TAOK1: variants seen among roughly 807,000 people sequenced by gnomAD.
TAOK1 encodes the protein TAO kinase 1.
In TAOK1, 21 loss-of-function variants were observed where a neutral mutation model predicts 138.3. That is an observed-to-expected ratio of 0.15 (90% CI 0.11 to 0.22). TAOK1 has a LOEUF of 0.22. Among genes scored for constraint, TAOK1 ranks in the 10% least tolerant of loss-of-function variants. The pLI, the probability that TAOK1 is intolerant of heterozygous loss-of-function variation, is 1.00. For synonymous variants in TAOK1, 361 were observed against 398.4 expected, an observed-to-expected ratio of 0.91 and a Z score of 1.12; for missense variants, 651 against 1,227.7, an observed-to-expected ratio of 0.53 and a Z score of 7.02.
At chr17:29,509,580 G>C (rs77693735) in intron 14 of TAOK1, among the ~76,000 whole-genome samples, 5 of 151,820 alleles carry the variant, frequency 3.3e-5, no homozygotes, top group African/African-American at 1.2e-4. Context: ...TATGCAATGT[G>C]GTAACAAATT....
chr17:29,496,681 G>A (rs931182708), intron 11 of TAOK1, among the ~76,000 whole-genome samples: 4 of 145,124 alleles, frequency 2.8e-5, no homozygotes, highest in Admixed American at 7.1e-5. Context: ...TCCACCTCCC[G>A]GGTTCAAGCA....
At chr17:29,465,696 A>C (rs2030645467) in intron 2 of TAOK1, among the ~76,000 whole-genome samples, 2 of 152,090 alleles carry the variant, frequency 1.3e-5, no homozygotes, top group South Asian at 4.1e-4. Flanking sequence ...AGATGGTTTG[A>C]GATGGTTTCT....
chr17:29,543,585 T>C lies in TAOK1; in HGVS notation c.*563T>C, dbSNP rs1174100754. ...AATTGATCTGACTTCTCAGCCTCATTTGGACTAAAAAAAGAAAGCAGAAAT... is the reference window on the plus strand; with the variant it reads ...AATTGATCTGACTTCTCAGCCTCATCTGGACTAAAAAAAGAAAGCAGAAAT... On this transcript the variant is annotated 3_prime_UTR_variant, in exon 20 of 20. Coordinates refer to ENST00000261716, the MANE Select transcript of TAOK1 (RefSeq NM_020791.4). 6.6e-6 allele frequency: 1 copy of C among 152,624 alleles called. No homozygotes were observed. Among genetic ancestry groups the C allele is most frequent in the East Asian group, 1.9e-4 (1 of 5,206 alleles). 9.5% of individuals were successfully genotyped at this position (152,624 alleles called of 1,614,324 possible).
intron 19 of TAOK1, among the ~76,000 whole-genome samples, chr17:29,538,007 G>A (rs895590024): frequency 4.0e-5 from 6 of 151,654 alleles, no homozygotes; most frequent in African/African-American, 1.5e-4. Flanking sequence ...AGCTACTTGG[G>A]AGGCTGAGGC....
intron 18 of TAOK1, among the ~76,000 whole-genome samples, chr17:29,531,139 T>G (rs1000390593): frequency 6.1e-4 from 92 of 150,992 alleles, no homozygotes; most frequent in Non-Finnish European, 1.1e-3. Flanking sequence ...TTTTTTTTTT[T>G]TGTATTTTTA....
Position 29,549,955 on chromosome 17 carries a change from T to A in TAOK1, c.*6933T>A, listed in dbSNP as rs774429445. The A allele has an allele frequency of 6.6e-6, 1 of 151,662 alleles. No individual in the cohort carries two copies. The highest frequency in any genetic ancestry group is 1.5e-5 in the Non-Finnish European group (1 of 67,936). 9.4% of individuals were successfully genotyped at this position (151,662 alleles called of 1,614,324 possible). ...CCAATTAATTACATGTGTCCAAGAA[T>A]AATCCAAGCTAGAGACACAAGGTGG... On this transcript the variant is annotated 3_prime_UTR_variant, in exon 20 of 20. Coordinates refer to ENST00000261716, the MANE Select transcript of TAOK1 (RefSeq NM_020791.4).
At chr17:29,494,754 A>G (rs1187700120) in intron 10 of TAOK1, among the ~76,000 whole-genome samples, 1 of 142,996 alleles carries the variant, frequency 7.0e-6, no homozygotes, top group Non-Finnish European at 1.5e-5. Flanking sequence ...TGAACCCGGG[A>G]GGCAGAGGTT....
intron 1 of TAOK1, among the ~76,000 whole-genome samples, chr17:29,420,771 G>C (rs915508694): frequency 6.6e-6 from 1 of 151,810 alleles, no homozygotes; most frequent in African/African-American, 2.4e-5. Flanking sequence ...TTTTAGTAGA[G>C]ACAGGGTTTC....
At chr17:29,517,740 G>GA (rs1805077160) in intron 16 of TAOK1, 84 bp downstream of exon 16, 1 of 1,306,380 alleles carries the variant, frequency 7.7e-7, no homozygotes. Flanking sequence ...TAGTCTCAGG[G>GA]ACTTTGCACT....
intron 2 of TAOK1, among the ~76,000 whole-genome samples, chr17:29,462,159 T>G (rs1348324954): frequency 1.3e-5 from 2 of 152,224 alleles, no homozygotes; most frequent in African/African-American, 4.8e-5. Flanking sequence ...TTTAACACAC[T>G]TCTGAATTTT....
At chr17:29,533,565 G>T (rs544833601) in intron 18 of TAOK1, among the ~76,000 whole-genome samples, 23 of 152,050 alleles carry the variant, frequency 1.5e-4, no homozygotes, top group South Asian at 4.2e-4. Context: ...AGCACTGAGT[G>T]AACGAGACTC....
chr17:29,447,627 C>T (rs528190846), intron 1 of TAOK1, among the ~76,000 whole-genome samples: 2 of 151,942 alleles, frequency 1.3e-5, no homozygotes, highest in Admixed American at 1.3e-4. Flanking sequence ...GTGCAAGCTA[C>T]CTCACCCGGC....
chr17:29,535,075 G>A (rs1346948821), intron 19 of TAOK1, among the ~76,000 whole-genome samples: 1 of 152,128 alleles, frequency 6.6e-6, no homozygotes, highest in Non-Finnish European at 1.5e-5. Flanking sequence ...ACTTTGGGAA[G>A]CCAAGGCGGG....
At chr17:29,478,435 G>A in intron 6 of TAOK1, 88 bp downstream of exon 6, 1 of 885,466 alleles carries the variant, frequency 1.1e-6, no homozygotes, top group South Asian at 2.3e-5. Flanking sequence ...AGTTTTTATT[G>A]GTTAAAGCCA....
In TAOK1 at chr17:29,551,508, C is replaced by G. The variant is rs1474809821; in HGVS notation, c.*8486C>G. 6.6e-6 allele frequency: 1 copy of G among 152,392 alleles called. No individual in the cohort carries two copies. The highest frequency in any genetic ancestry group is 1.5e-5 in the Non-Finnish European group (1 of 68,034). The allele number at this position is 152,392 out of a possible 1,614,324, so 9.4% of individuals were successfully genotyped here. ...TTACCAATAACTAATTTTAAATACA[C>G]ATTGTCCTCTCGATTTTTGGACCAA... On this transcript the variant is annotated 3_prime_UTR_variant, in exon 20 of 20. Coordinates refer to ENST00000261716, the MANE Select transcript of TAOK1 (RefSeq NM_020791.4).
intron 2 of TAOK1, among the ~76,000 whole-genome samples, chr17:29,463,813 A>G (rs753435225): frequency 5.3e-5 from 8 of 152,202 alleles, no homozygotes; most frequent in Non-Finnish European, 1.0e-4. Context: ...TGCAAATGAT[A>G]TATCTGACAA....
intron 3 of TAOK1, among the ~76,000 whole-genome samples, chr17:29,470,131 A>C (rs2030778857): frequency 6.6e-6 from 1 of 152,158 alleles, no homozygotes; most frequent in South Asian, 2.1e-4. Flanking sequence ...ACACCTCCTA[A>C]ATCTGTGGAA....
chr17:29,518,498 A>G (rs940362011), intron 16 of TAOK1, among the ~76,000 whole-genome samples: 1 of 152,146 alleles, frequency 6.6e-6, no homozygotes, highest in Non-Finnish European at 1.5e-5. Context: ...CAGACAGACA[A>G]CTAACTAAAT....
At chr17:29,478,413 T>A in intron 6 of TAOK1, 66 bp downstream of exon 6, 1 of 1,153,742 alleles carries the variant, frequency 8.7e-7, no homozygotes, top group Non-Finnish European at 1.2e-6. Context: ...CTTTAGAATT[T>A]ATTAACTCTA....
Sources: allele counts gnomAD v4.1 joint callset (sites outside exome capture counted in the v4.1 genomes callset), GRCh38; gene constraint gnomAD v4.1.1; transcripts MANE v1.5; gene names NCBI Gene and HGNC (gene_info 2026-07-23, HGNC 2026-07-21).